Variants in HTT observed in about 807,000 individuals in gnomAD.
HTT encodes huntingtin.
In HTT, 104 loss-of-function variants were observed where a neutral mutation model predicts 362.3. That is an observed-to-expected ratio of 0.29 (90% CI 0.24 to 0.34). The LOEUF is 0.34. HTT is among the 10% of genes least tolerant of loss of function. The pLI is 1.00. For synonymous variants in HTT, 1,577 were observed against 1,548.7 expected, an observed-to-expected ratio of 1.02 and a Z score of -0.43; for missense variants, 3,301 against 3,928.6, an observed-to-expected ratio of 0.84 and a Z score of 4.27.
intron 5 of HTT, among the ~76,000 whole-genome samples, chr4:3,106,302 G>C (rs1714418616): frequency 6.6e-6 from 1 of 152,186 alleles, no homozygotes; most frequent in African/African-American, 2.4e-5. Context: ...GTCGTGTTGA[G>C]CCAAGATCGC....
intron 45 of HTT, among the ~76,000 whole-genome samples, chr4:3,207,570 A>T (rs546494319): frequency 4.6e-5 from 7 of 152,334 alleles, no homozygotes; most frequent in African/African-American, 1.4e-4. Flanking sequence ...CACGTCTGTG[A>T]CGTGAGTGGA....
intron 1 of HTT, among the ~76,000 whole-genome samples, chr4:3,077,135 GCCA>G (rs1712598108): frequency 6.6e-6 from 1 of 152,032 alleles, no homozygotes; most frequent in Non-Finnish European, 1.5e-5. Flanking sequence ...TTGAGATCAC[GCCA>G]CTGCACTCCA....
intron 2 of HTT, among the ~76,000 whole-genome samples, chr4:3,088,838 C>G (rs1713352208): frequency 6.6e-6 from 1 of 151,954 alleles, no homozygotes; most frequent in Non-Finnish European, 1.5e-5. Context: ...TAGGTTAACT[C>G]ATTTCTGTTG....
chr4:3,224,106 C>T lies in HTT; in HGVS notation c.7740C>T (p.Val2580=). Residue 2580 remains valine (V), a synonymous_variant, in exon 56 of 67, where the codon GTC becomes GTT. Transcript: ENST00000355072. ...ATTTATATCAGGCATGGGATCCTGTCCCTTCTCTGTCTCCGGCTACTACAG... is the reference window on the plus strand; with the variant it reads ...ATTTATATCAGGCATGGGATCCTGTTCCTTCTCTGTCTCCGGCTACTACAG... The part of the protein sequence containing the change: ...THHLYQAWDP[V]PSLSPATTGA... 1 of 1,614,068 alleles carries T rather than the reference C, an allele frequency of 6.2e-7. No individual in the cohort carries two copies. The highest frequency in any genetic ancestry group is 8.5e-7 in the Non-Finnish European group (1 of 1,179,960).
chr4:3,161,087 A>G (rs1383878776), intron 29 of HTT, among the ~76,000 whole-genome samples: 1 of 151,868 alleles, frequency 6.6e-6, no homozygotes, highest in Admixed American at 6.6e-5. Context: ...CTCACTCCCC[A>G]TGGGCCCCGG....
intron 21 of HTT, 140 bp from the exon 22 acceptor site, chr4:3,140,370 G>A: frequency 1.5e-6 from 1 of 654,648 alleles, no homozygotes; most frequent in South Asian, 1.9e-5. Flanking sequence ...CTTGAAGAAC[G>A]CCACCTGAGA....
chr4:3,219,299 A>G (rs1382309221), intron 52 of HTT, among the ~76,000 whole-genome samples: 1 of 152,122 alleles, frequency 6.6e-6, no homozygotes, highest in Non-Finnish European at 1.5e-5. Flanking sequence ...ACCATGCAGG[A>G]GGGCACGGTC....
At chr4:3,165,710 C>G (rs543724544) in intron 29 of HTT, among the ~76,000 whole-genome samples, 1 of 151,718 alleles carries the variant, frequency 6.6e-6, no homozygotes, top group East Asian at 1.9e-4. Context: ...AATCGGCTGT[C>G]GAAGCTTGTG....
Position 3,136,309 on chromosome 4 carries a change from C to G in HTT, c.2781C>G (p.Ala927=). 6.3e-7 allele frequency: 1 copy of G among 1,588,766 alleles called. No homozygotes were observed. Among genetic ancestry groups the G allele is most frequent in the Non-Finnish European group, 8.6e-7 (1 of 1,157,872 alleles). Residue 927 remains alanine, a synonymous_variant, in exon 21 of 67, where the codon GCC becomes GCG. Coordinates refer to ENST00000355072, the MANE Select transcript of HTT (RefSeq NM_001388492.1). ...AAGACCCCAGGGTGCGACATGTTGC[C>G]GCAGCATCACTAATTAGGTATTTAC... ...GDEDPRVRHV[A]AASLIRLVPK...
chr4:3,087,475 G>A (rs1713268189), intron 2 of HTT, among the ~76,000 whole-genome samples: 1 of 152,192 alleles, frequency 6.6e-6, no homozygotes, highest in Non-Finnish European at 1.5e-5. Context: ...GGGATTAGTG[G>A]GGATCGTGGG....
intron 65 of HTT, 88 bp from the exon 66 acceptor site, chr4:3,238,730 G>GGCCCCACCCC: frequency 9.1e-7 from 1 of 1,097,038 alleles, no homozygotes; most frequent in Non-Finnish European, 1.3e-6. Flanking sequence ...AATGCCTCTG[G>GGCCCCACCCC]CCCCCACCCC....
At position 3,182,426 on chromosome 4, in the gene HTT, C is replaced by G. The variant is rs1375310919; in HGVS notation, c.4822C>G (p.Arg1608Gly). ...TGAAGACAAGTGGAAGCGACTGTCT[C>G]GACAGATAGCTGACATCATCCTCCC... Reference protein sequence around the residue: ...ENEDKWKRLSRQIADIILPML... With the variant: ...ENEDKWKRLSGQIADIILPML... The change falls in exon 37 of 67, where the codon CGA becomes GGA. Residue 1608 changes from arginine (R) to glycine (G), a missense_variant. By Grantham distance (125) the Arg-to-Gly change is moderately radical. This residue lies in a region of HTT where 2,316 missense variants were observed against 2,658.5 expected (regional missense o/e 0.87). Coordinates refer to ENST00000355072, the MANE Select transcript of HTT (RefSeq NM_001388492.1). 1.2e-6 allele frequency: 2 copies of G among 1,613,952 alleles called. No individual in the cohort carries two copies. Among genetic ancestry groups the G allele is most frequent in the East Asian group, 2.2e-5 (1 of 44,892 alleles).
chr4:3,221,190 G>A (rs1720654893), intron 53 of HTT, among the ~76,000 whole-genome samples: 1 of 152,114 alleles, frequency 6.6e-6, no homozygotes, highest in African/African-American at 2.4e-5. Flanking sequence ...GCAGATTTGA[G>A]GCTTGTTTGG....
In HTT at chr4:3,199,862, G is replaced by A. The variant is rs567423277; in HGVS notation, c.5499G>A (p.Val1833=). The stretch of plus-strand genomic sequence containing the variant: ...TGATCACCACCCACCCGGCCCTGGT[G>A]CTGCTCTGGTGTCAGATACTGCTGC... The part of the protein sequence containing the change: ...RSMITTHPAL[V]LLWCQILLLV... Residue 1833 remains valine (V), a synonymous_variant, in exon 41 of 67, where the codon GTG becomes GTA. Coordinates refer to ENST00000355072, the MANE Select transcript of HTT (RefSeq NM_001388492.1). The A allele has an allele frequency of 1.7e-4, 271 of 1,614,178 alleles. No individual in the cohort carries two copies. Among genetic ancestry groups the A allele is most frequent in the Middle Eastern group, 3.3e-4 (2 of 6,062 alleles).
chr4:3,229,419 CAGCACACA>C (rs1721114574), intron 59 of HTT, among the ~76,000 whole-genome samples: 6 of 149,162 alleles, frequency 4.0e-5, no homozygotes, highest in Admixed American at 2.0e-4. Flanking sequence ...GTGCCACACA[CAGCACACA>C]ACCACACACA....
chr4:3,117,497 T>C (rs1715088620), intron 8 of HTT, among the ~76,000 whole-genome samples: 1 of 152,192 alleles, frequency 6.6e-6, no homozygotes. Flanking sequence ...TATAAGTATT[T>C]CAGTATCTCT....
chr4:3,109,517 G>A (rs937733162), intron 6 of HTT, among the ~76,000 whole-genome samples: 2 of 151,922 alleles, frequency 1.3e-5, no homozygotes, highest in South Asian at 2.1e-4. Flanking sequence ...GAGCCACTGC[G>A]CCCAGCAACT....
At chr4:3,113,074 A>G (rs1714843874) in intron 6 of HTT, 1 of 929,834 alleles carries the variant, frequency 1.1e-6, no homozygotes, top group Non-Finnish European at 1.3e-6. Context: ...ATGTGTTGAA[A>G]AGTGGCACTA....
chr4:3,187,815 C>G lies in HTT; in HGVS notation c.5154C>G (p.Asp1718Glu). 6.2e-7 allele frequency: 1 copy of G among 1,613,202 alleles called. No homozygotes were observed. ...CTVINRLRDGDSTSTLEEHSE... is the reference protein window; with the variant it reads ...CTVINRLRDGESTSTLEEHSE... ...TAATTAATAGGTTAAGAGATGGGGA[C>G]AGTACTTCAACGCTAGAAGAACACA... is the stretch of plus-strand genomic sequence containing the variant. The change falls in exon 39 of 67, where the codon GAC (aspartate) becomes GAG (glutamate). Residue 1718 changes from aspartate to glutamate, a missense_variant. Around this residue, in one of 4 missense-constraint regions of HTT, gnomAD observed 2,316 missense variants for 2,658.5 expected, o/e 0.87. Transcript: ENST00000355072.
Sources: gnomAD v4.1 joint callset for allele counts (sites outside exome capture counted in the v4.1 genomes callset) on GRCh38, gnomAD v4.1.1 for gene constraint, gnomAD v4.1.1 regional missense constraint, MANE v1.5 for transcripts, NCBI Gene and HGNC (gene_info 2026-07-23, HGNC 2026-07-21) for gene names.